Variants in ZSCAN18 observed in about 807,000 individuals in gnomAD.
The protein encoded by ZSCAN18 is zinc finger and SCAN domain-containing protein 18.
In ZSCAN18, 16 loss-of-function variants were observed where a neutral mutation model predicts 31.1. That is an observed-to-expected ratio of 0.51 (90% CI 0.35 to 0.78). The LOEUF (loss-of-function observed/expected upper bound fraction) is 0.78. ZSCAN18 is among the 30% of genes least tolerant of loss of function. The pLI, the probability that ZSCAN18 is intolerant of heterozygous loss-of-function variation, is 0.01. For synonymous variants in ZSCAN18, 375 were observed against 320.7 expected (o/e 1.17, Z -1.81); for missense variants, 731 against 697.4 (o/e 1.05, Z -0.54).
In ZSCAN18 at chr19:58,090,886, A is replaced by ACCCCCACCCTTTTGTTACCTCATAGGCCT. The variant is rs1160305894; in HGVS notation, c.-119-501_-119-500insAGGCCTATGAGGTAACAAAAGGGTGGGGG. On this transcript the variant is annotated intron_variant, in intron 1 of 6. Transcript: ENST00000601144. The surrounding 1 kb of genome is among the most constrained non-coding windows in gnomAD (Gnocchi z 4.7). The stretch of plus-strand genomic sequence containing the variant: ...ATTACAGGTGTGAGCCACTGCGCCC[A>ACCCCCACCCTTTTGTTACCTCATAGGCCT]GCATCATTACCAGAATTTTAAAAAA... Among the ~76,000 whole-genome samples the ACCCCCACCCTTTTGTTACCTCATAGGCCT allele has an allele frequency of 2.0e-5, 3 of 151,730 alleles. No individual in the cohort carries two copies. The highest frequency in any genetic ancestry group is 4.4e-5 in the Non-Finnish European group (3 of 67,952).
intron 6 of ZSCAN18, 79 bp from the exon 7 acceptor site, chr19:58,085,458 C>T (rs543522451): frequency 3.9e-6 from 5 of 1,289,574 alleles, no homozygotes; most frequent in Non-Finnish European, 5.2e-6. Flanking sequence ...CCTCAGCTGC[C>T]GGAACAGCGC....
At chr19:58,085,683 A>G (rs1449341908) in intron 6 of ZSCAN18, 1 of 454,514 alleles carries the variant, frequency 2.2e-6, no homozygotes, top group East Asian at 3.9e-5. Flanking sequence ...CCACCTGGCC[A>G]CTAGCTTGGC....
upstream of ZSCAN18, among the ~76,000 whole-genome samples, chr19:58,100,694 T>TCAGGAGTTCAAGACGAGCCTGGC (rs71188076): frequency 4.0e-4 from 60 of 148,704 alleles, no homozygotes; most frequent in Non-Finnish European, 7.0e-4. Context: ...GATCACGAGG[T>TCAGGAGTTCAAGACGAGCCTGGC]CAACATGGTG....
At chr19:58,108,296 A>G in intron 1 of ZSCAN18, 1 of 985,466 alleles carries the variant, frequency 1.0e-6, no homozygotes. Flanking sequence ...GATGGACAAT[A>G]AGGTTGGAGA....
At chr19:58,085,690 T>C in intron 6 of ZSCAN18, 1 of 438,340 alleles carries the variant, frequency 2.3e-6, no homozygotes, top group Non-Finnish European at 4.1e-6. Context: ...GCCACTAGCT[T>C]GGCCACAAGA....
At chr19:58,086,664 A>G in intron 5 of ZSCAN18, 1 of 516,190 alleles carries the variant, frequency 1.9e-6, no homozygotes, top group Non-Finnish European at 3.4e-6. Context: ...CCTTGGGGCC[A>G]GGAGGCCTTT....
chr19:58,104,277 T>G (rs943201466), intron 1 of ZSCAN18, among the ~76,000 whole-genome samples: 1 of 149,458 alleles, frequency 6.7e-6, no homozygotes, highest in African/African-American at 2.5e-5. Context: ...TACTCAGGAG[T>G]CTGAGGCAGG....
intron 1 of ZSCAN18, chr19:58,108,921 T>G (rs1328420425): frequency 9.6e-7 from 1 of 1,045,646 alleles, no homozygotes; most frequent in Non-Finnish European, 1.1e-6. Context: ...AGTCATCATT[T>G]TCCTCAAGAA....
At chr19:58,112,515 C>T (rs979019492) in intron 1 of ZSCAN18, among the ~76,000 whole-genome samples, 11 of 151,840 alleles carry the variant, frequency 7.2e-5, no homozygotes, top group African/African-American at 2.7e-4. Context: ...GCTGGGCGTG[C>T]TGGCAGGCAC....
chr19:58,115,535 A>C (rs2074722752), intron 1 of ZSCAN18, among the ~76,000 whole-genome samples: 1 of 152,196 alleles, frequency 6.6e-6, no homozygotes, highest in Non-Finnish European at 1.5e-5. Flanking sequence ...TGTGTATATA[A>C]CTTGGGTCCT....
exon 1 of ZSCAN18, chr19:58,118,369 C>G (rs1382038129): frequency 3.3e-6 from 5 of 1,533,486 alleles, no homozygotes; most frequent in Middle Eastern, 1.7e-4. Flanking sequence ...GTAGCGTCCT[C>G]GTCAGCTCGC....
At chr19:58,089,297 C>T (rs1191538015) in intron 2 of ZSCAN18, among the ~76,000 whole-genome samples, 16 of 74,134 alleles carry the variant, frequency 2.2e-4, no homozygotes, top group African/African-American at 3.7e-4. Context: ...AGCGAGACTC[C>T]GTCTCAAAAA....
intron 1 of ZSCAN18, chr19:58,109,158 T>C: frequency 8.1e-7 from 1 of 1,230,718 alleles, no homozygotes; most frequent in Non-Finnish European, 1.0e-6. Flanking sequence ...GGAGCATTTC[T>C]ACCTGGTCCT....
Position 58,089,860 on chromosome 19 carries a change from C to T in ZSCAN18, c.403+5G>A. 1 of 1,603,430 alleles carries T rather than the reference C, an allele frequency of 6.2e-7. No homozygotes were observed. Among genetic ancestry groups the T allele is most frequent in the Non-Finnish European group, 8.5e-7 (1 of 1,173,384 alleles). ...GAGCCATGCTTCTCCTCTGTGACAG[C>T]CCACCTGGCTCTTCCAGGACATCAG... On this transcript the variant is annotated splice_donor_5th_base_variant and intron_variant, in intron 2 of 6. Coordinates refer to ENST00000601144, the MANE Select transcript of ZSCAN18 (RefSeq NM_001145543.2).
At position 58,084,790 on chromosome 19, in the gene ZSCAN18, GCCCCGGGCGCCCC is replaced by G; in HGVS notation, c.1415_1427del (p.Gly472AlafsTer51). ...GGGCTTCGCGGGTGGACGGTTGGGG[GCCCCGGGCGCCCC>G]CCAGCGCGTAGCTTTTCTCCTTCTC... On this transcript the variant is annotated frameshift_variant, in exon 7 of 7. Coordinates refer to ENST00000601144, the MANE Select transcript of ZSCAN18 (RefSeq NM_001145543.2). LOFTEE classifies it low-confidence loss of function (END_TRUNC). The surrounding 1 kb of genome is among the most constrained non-coding windows in gnomAD (Gnocchi z 4.5). 1 of 1,576,480 alleles carries G rather than the reference GCCCCGGGCGCCCC, an allele frequency of 6.3e-7. No homozygotes were observed. The highest frequency in any genetic ancestry group is 8.6e-7 in the Non-Finnish European group (1 of 1,167,516).
rs140309100 is a variant in ZSCAN18 at position 58,113,633 on chromosome 19, A to C, written c.130+4634T>G. 1.2e-3 allele frequency among the ~76,000 whole-genome samples: 189 copies of C among 152,258 alleles called. 1 individual carries two copies. The highest frequency in any genetic ancestry group is 4.4e-3 in the African/African-American group (181 of 41,552). ...TTTCTCTTTGACTAAATGAGTTTGG[A>C]GTCCCAAAATTCAATTTCTTTTCAC... On this transcript the variant is annotated intron_variant, in intron 1 of 1. Transcript: ENST00000595721.
rs1317169057 is a variant in ZSCAN18, at chr19:58,106,406, GAA to G, written c.130+11859_130+11860del. Among the ~76,000 whole-genome samples, 15 of 150,706 alleles carry G rather than the reference GAA, an allele frequency of 1.0e-4. 2 individuals carry two copies. In the East Asian group the frequency reaches 2.9e-3, roughly 30 times the overall value. On this transcript the variant is annotated intron_variant, in intron 1 of 1. Transcript: ENST00000595721. ...AACAGAATGAGACCATGTCTCAAAA[GAA>G]AAAAAGACATCTGGCTGGGCGCGGT...
rs1174571727 is a variant in ZSCAN18, at chr19:58,085,150, C to T, written c.1068G>A (p.Gln356=). 1 of 1,610,704 alleles carries T rather than the reference C, an allele frequency of 6.2e-7. No homozygotes were observed. Among genetic ancestry groups the T allele is most frequent in the South Asian group, 1.1e-5 (1 of 90,866 alleles). The change falls in exon 7 of 7, where the codon CAG becomes CAA. Residue 356 remains glutamine (Q), a synonymous_variant. Coordinates refer to ENST00000601144, the MANE Select transcript of ZSCAN18 (RefSeq NM_001145543.2). ...CCGTGCCCCTGTCCGGGGCAGGCTG[C>T]TGGATGACGGACTGCCTCTGCGATC... ...ATGSQRQSVI[Q]QPAPDRGTAK...
intron 1 of ZSCAN18, among the ~76,000 whole-genome samples, chr19:58,110,930 A>T (rs912951286): frequency 2.0e-5 from 3 of 152,108 alleles, no homozygotes; most frequent in African/African-American, 4.8e-5. Flanking sequence ...GCACTTTGGG[A>T]GGCTGAGGCA....
Sources: allele counts gnomAD v4.1 joint callset (sites outside exome capture counted in the v4.1 genomes callset), GRCh38; gene constraint gnomAD v4.1.1; non-coding constraint Gnocchi (gnomAD v3.1); transcripts MANE v1.5; gene names NCBI Gene and HGNC (gene_info 2026-07-23, HGNC 2026-07-21).